DPP8: variants seen among roughly 807,000 people sequenced by gnomAD.
DPP8 encodes DPP VIII.
A neutral mutation model predicts 107.5 loss-of-function variants in DPP8; 31 were observed. The ratio of observed to expected loss-of-function variants is 0.29; its 90% CI spans 0.22 to 0.39. The LOEUF (loss-of-function observed/expected upper bound fraction) is 0.39. Among genes scored for constraint, DPP8 ranks in the 10% least tolerant of loss-of-function variants. DPP8 has a pLI of 1.00. For synonymous variants in DPP8, 381 were observed against 356.6 expected (o/e 1.07, Z -0.77); for missense variants, 842 against 1,076.1 (o/e 0.78, Z 3.04).
At position 65,485,092 on chromosome 15, in the gene DPP8, T is replaced by C; in HGVS notation, c.1017+7A>G. On this transcript the variant is annotated splice_region_variant and intron_variant, in intron 8 of 19. Coordinates refer to ENST00000300141, the MANE Select transcript of DPP8 (RefSeq NM_130434.5). ...CGCAGAAGGTCAACTCAGCATTTTA[T>C]ACTTACCCTTCCTTCAGCATCAATC... The C allele has an allele frequency of 6.2e-7, 1 of 1,604,472 alleles. No individual in the cohort carries two copies. The highest frequency in any genetic ancestry group is 8.5e-7 in the Non-Finnish European group (1 of 1,171,198).
At chr15:65,456,444 G>A (rs562684611) in intron 15 of DPP8, 73 bp from the exon 16 acceptor site, 5 of 1,414,304 alleles carry the variant, frequency 3.5e-6, no homozygotes, top group African/African-American at 2.9e-5. Context: ...GGCATTGCAA[G>A]AAATAGAAAG....
At chr15:65,515,945 G>C in intron 1 of DPP8, 1 of 475,006 alleles carries the variant, frequency 2.1e-6, no homozygotes, top group Non-Finnish European at 3.7e-6. Context: ...TTGTATCTGC[G>C]TTTTATGTTA....
chr15:65,458,180 A>G (rs2064599745), intron 15 of DPP8, among the ~76,000 whole-genome samples: 1 of 152,196 alleles, frequency 6.6e-6, no homozygotes, highest in Non-Finnish European at 1.5e-5. Flanking sequence ...GTGTCCTGTT[A>G]TCATCTAGCC....
rs1412171039 is a variant in DPP8 at position 65,474,198 on chromosome 15, A to G, written c.1536+11T>C. On this transcript the variant is annotated intron_variant, in intron 12 of 19. Transcript: ENST00000300141. ...ACTGACCAAACATATCAGTAGAATA[A>G]AATAACATACATTAGATCCATGCCG... The G allele has an allele frequency of 6.3e-7, 1 of 1,592,092 alleles. No homozygotes were observed. The highest frequency in any genetic ancestry group is 1.7e-5 in the Admixed American group (1 of 59,974).
chr15:65,475,416 T>C, intron 11 of DPP8: 1 of 1,572,372 alleles, frequency 6.4e-7, no homozygotes, highest in Non-Finnish European at 8.7e-7. Context: ...GCTTTGCCAC[T>C]CAAATATACC....
At chr15:65,502,170 T>C (rs1178811756) in intron 3 of DPP8, among the ~76,000 whole-genome samples, 1 of 152,090 alleles carries the variant, frequency 6.6e-6, no homozygotes, top group Non-Finnish European at 1.5e-5. Flanking sequence ...ATTACAGGTG[T>C]GAGCCACCAA....
At chr15:65,509,083 C>T (rs2070432774) in intron 2 of DPP8, among the ~76,000 whole-genome samples, 1 of 152,036 alleles carries the variant, frequency 6.6e-6, no homozygotes, top group South Asian at 2.1e-4. Flanking sequence ...TTTTTTTATC[C>T]TCTTATTTTT....
At chr15:65,478,814 C>T (rs2066638866) in intron 11 of DPP8, 66 bp downstream of exon 11, 5 of 1,123,250 alleles carry the variant, frequency 4.5e-6, no homozygotes, top group Non-Finnish European at 6.4e-6. Context: ...AAGATACATT[C>T]CCCTGTCCCT....
chr15:65,483,666 T>C (rs1394484272), intron 8 of DPP8, among the ~76,000 whole-genome samples: 2 of 151,672 alleles, frequency 1.3e-5, no homozygotes, highest in African/African-American at 4.8e-5. Context: ...AAAAACACTT[T>C]AGCAGTTCCA....
chr15:65,503,694 C>T (rs2069537547), intron 3 of DPP8, among the ~76,000 whole-genome samples: 1 of 152,128 alleles, frequency 6.6e-6, no homozygotes, highest in Non-Finnish European at 1.5e-5. Context: ...ACGATTTAAG[C>T]TCACTGCAAC....
intron 1 of DPP8, 73 bp from the exon 2 acceptor site, chr15:65,512,637 A>C (rs2070939590): frequency 7.4e-7 from 1 of 1,344,550 alleles, no homozygotes; most frequent in South Asian, 1.5e-5. Context: ...TGAGAGGGTC[A>C]AAAAAAAAGC....
Position 65,463,921 on chromosome 15 carries a change from C to T in DPP8, c.1826-15G>A. 1 of 1,532,670 alleles carries T rather than the reference C, an allele frequency of 6.5e-7. No individual in the cohort carries two copies. Among genetic ancestry groups the T allele is most frequent in the Non-Finnish European group, 8.7e-7 (1 of 1,146,634 alleles). 94.9% of individuals were successfully genotyped at this position (1,532,670 alleles called of 1,614,324 possible). A position where few individuals can be genotyped will look rare whatever the true frequency, so the allele number is the denominator to read the frequency against. On this transcript the variant is annotated splice_polypyrimidine_tract_variant and intron_variant, in intron 14 of 19. Transcript: ENST00000300141. ...AGGAAGAGGACCTGTGAATAGGTAACATAACAGAGTCTACAAAAGAGTTCT... is the reference window on the plus strand; with the variant it reads ...AGGAAGAGGACCTGTGAATAGGTAATATAACAGAGTCTACAAAAGAGTTCT...
chr15:65,479,163 A>G (rs2066672596), intron 10 of DPP8, 124 bp from the exon 11 acceptor site: 2 of 612,736 alleles, frequency 3.3e-6, no homozygotes, highest in Non-Finnish European at 5.1e-6. Context: ...ATGCCAAAGG[A>G]ATGCTATATT....
intron 9 of DPP8, 57 bp from the exon 10 acceptor site, chr15:65,480,456 T>C (rs974980019): frequency 1.7e-5 from 23 of 1,362,740 alleles, no homozygotes; most frequent in Non-Finnish European, 2.1e-5. Flanking sequence ...CAGAAAAAGA[T>C]TTCCCTATTA....
chr15:65,455,730 C>A (rs2064359117), intron 16 of DPP8: 1 of 1,261,884 alleles, frequency 7.9e-7, no homozygotes, highest in Non-Finnish European at 1.0e-6. Context: ...TCCAATAACA[C>A]TGGCAAACAC....
intron 4 of DPP8, among the ~76,000 whole-genome samples, chr15:65,499,377 T>C (rs564190983): frequency 9.9e-4 from 150 of 151,814 alleles, no homozygotes; most frequent in African/African-American, 3.4e-3. Context: ...GGACTACAGG[T>C]GCGCCTGCCT....
intron 4 of DPP8, among the ~76,000 whole-genome samples, chr15:65,498,664 T>C (rs1478269903): frequency 1.3e-5 from 2 of 152,152 alleles, no homozygotes; most frequent in African/African-American, 4.8e-5. Context: ...ACTCAATATT[T>C]TATTAAATAT....
chr15:65,475,330 C>A (rs2066283828), intron 11 of DPP8: 3 of 1,119,318 alleles, frequency 2.7e-6, no homozygotes, highest in South Asian at 1.3e-5. Context: ...AGCTGCTGCC[C>A]CGAGCCAGCT....
intron 8 of DPP8, among the ~76,000 whole-genome samples, chr15:65,483,504 A>C (rs1044534923): frequency 1.3e-5 from 2 of 152,036 alleles, no homozygotes; most frequent in African/African-American, 4.8e-5. Flanking sequence ...GCTGGGTGAC[A>C]AAGTGAGACC....
Sources: allele counts gnomAD v4.1 joint callset (sites outside exome capture counted in the v4.1 genomes callset), GRCh38; gene constraint gnomAD v4.1.1; transcripts MANE v1.5; gene names NCBI Gene and HGNC (gene_info 2026-07-23, HGNC 2026-07-21).